CRTAC1: variants seen among roughly 807,000 people sequenced by gnomAD.
CRTAC1 encodes acidic secreted protein in cartilage.
A neutral mutation model predicts 67.8 loss-of-function variants in CRTAC1; 37 were observed. That is an observed-to-expected ratio of 0.55 (90% CI 0.42 to 0.72). CRTAC1 has a LOEUF of 0.72. CRTAC1 is among the 30% of genes least tolerant of loss of function. CRTAC1 has a pLI of 0.00. For missense variants in CRTAC1, 780 were observed against 931.6 expected (o/e 0.84, Z 2.12); for synonymous variants, 348 against 371.0 (o/e 0.94, Z 0.71).
intron 3 of CRTAC1, among the ~76,000 whole-genome samples, chr10:97,931,954 A>G (rs2051010259): frequency 6.6e-6 from 1 of 152,062 alleles, no homozygotes; most frequent in South Asian, 2.1e-4. Flanking sequence ...ACCTGGTTTC[A>G]CTGAGTAGTG....
chr10:97,912,091 C>T (rs923851667), intron 5 of CRTAC1, among the ~76,000 whole-genome samples: 5 of 152,094 alleles, frequency 3.3e-5, no homozygotes, highest in South Asian at 2.1e-4. Flanking sequence ...TCTGTTTTCT[C>T]AGCTAGAACA....
rs749919406 is a variant in CRTAC1, at chr10:98,024,746, C to CTTTTT, written c.24+5698_24+5702dup. On this transcript the variant is annotated intron_variant, in intron 1 of 14. Transcript: ENST00000370597. Reference sequence around the variant, plus strand: ...CTCTAAAGAGAATGATTATATTATCCTTTTTTTTTTTTTTTTTTTTTTTTT... The same window carrying CTTTTT: ...CTCTAAAGAGAATGATTATATTATCCTTTTTTTTTTTTTTTTTTTTTTTTTTTTTT... Among the ~76,000 whole-genome samples, 13 of 65,052 alleles carry CTTTTT rather than the reference C, an allele frequency of 2.0e-4. 1 individual carries two copies. Among genetic ancestry groups the CTTTTT allele is most frequent in the African/African-American group, 4.8e-4 (9 of 18,806 alleles). 42.7% of individuals were successfully genotyped at this position (65,052 alleles called of 152,430 possible). A position where few individuals can be genotyped will look rare whatever the true frequency, so the allele number is the denominator to read the frequency against.
rs754968381 is a variant in CRTAC1 at position 97,880,328 on chromosome 10, G to A, written c.1740C>T (p.Thr580=). Residue 580 remains threonine, a synonymous_variant, in exon 14 of 15, where the codon ACC becomes ACT. Transcript: ENST00000370597. ...TGGTCCGGCACCTGTAGCTTCCATAGGTGTTGACACATACGGGCTTGTCTC... is the reference window on the plus strand; with the variant it reads ...TGGTCCGGCACCTGTAGCTTCCATAAGTGTTGACACATACGGGCTTGTCTC... ...CPRDKPVCVN[T]YGSYRCRTNK... is the part of the protein sequence containing the mutation. 1.2e-6 allele frequency: 2 copies of A among 1,614,204 alleles called. No homozygotes were observed. The highest frequency in any genetic ancestry group is 1.3e-5 in the African/African-American group (1 of 75,046).
chr10:97,893,724 C>T (rs565292449), intron 11 of CRTAC1, among the ~76,000 whole-genome samples: 4 of 152,320 alleles, frequency 2.6e-5, no homozygotes, highest in African/African-American at 4.8e-5. Context: ...TCGGGCTGCC[C>T]TTGATGATGG....
intron 2 of CRTAC1, among the ~76,000 whole-genome samples, chr10:97,999,937 T>G (rs893265536): frequency 3.3e-5 from 5 of 152,000 alleles, no homozygotes; most frequent in Admixed American, 3.3e-4. Flanking sequence ...CTCTAGGGCC[T>G]CCTCCCTGCT....
At chr10:97,870,697 CACAT>C (rs2050083006) in intron 14 of CRTAC1, 1 of 152,046 alleles carries the variant, frequency 6.6e-6, no homozygotes, top group Non-Finnish European at 1.5e-5. Context: ...GGAAATGTAA[CACAT>C]ATGCCAAACA....
chr10:97,964,085 T>C (rs1240756986), intron 2 of CRTAC1, among the ~76,000 whole-genome samples: 3 of 152,148 alleles, frequency 2.0e-5, no homozygotes, highest in Non-Finnish European at 4.4e-5. Flanking sequence ...CTTTCCTCCT[T>C]CTCCTACCTG....
intron 2 of CRTAC1, among the ~76,000 whole-genome samples, chr10:97,946,624 C>T (rs973389036): frequency 7.1e-4 from 108 of 152,128 alleles, no homozygotes; most frequent in African/African-American, 2.6e-3. Flanking sequence ...CACCTATATG[C>T]AGGAAGAGAA....
intron 14 of CRTAC1, chr10:97,867,280 G>C (rs959405321): frequency 6.6e-6 from 1 of 152,416 alleles, no homozygotes; most frequent in Non-Finnish European, 1.5e-5. Context: ...CGGCTTCTGA[G>C]GCCCAGAGGA....
intron 1 of CRTAC1, among the ~76,000 whole-genome samples, chr10:98,015,941 AGAACAT>A (rs1034145468): frequency 6.6e-6 from 1 of 152,256 alleles, no homozygotes; most frequent in African/African-American, 2.4e-5. Context: ...GATTGGTTTA[AGAACAT>A]TCTCCTCTGC....
chr10:97,979,846 G>C (rs951193658), intron 2 of CRTAC1, among the ~76,000 whole-genome samples: 15 of 152,214 alleles, frequency 9.9e-5, no homozygotes, highest in Middle Eastern at 3.2e-3. Context: ...AAGCACTGCA[G>C]TATTGTCAAA....
chr10:98,004,711 TA>T (rs1433989397), intron 2 of CRTAC1, among the ~76,000 whole-genome samples: 17 of 150,308 alleles, frequency 1.1e-4, no homozygotes, highest in Admixed American at 9.3e-4. Flanking sequence ...CTAAGCAACT[TA>T]AAAAAAAAGC....
intron 14 of CRTAC1, chr10:97,879,735 G>A: frequency 6.5e-7 from 1 of 1,549,426 alleles, no homozygotes; most frequent in Middle Eastern, 1.7e-4. Context: ...AAGATATGAG[G>A]CCCGAGAGAG....
At position 97,975,095 on chromosome 10, in the gene CRTAC1, C is replaced by A. The variant is rs773079756; in HGVS notation, c.224+36043G>T. Reference sequence around the variant, plus strand: ...CGGTGGAGGGCCGGCCCGGGAGGAGCGGCGGAGGGGCCGGAGCCTACAGTT... The same window carrying A: ...CGGTGGAGGGCCGGCCCGGGAGGAGAGGCGGAGGGGCCGGAGCCTACAGTT... On this transcript the variant is annotated intron_variant, in intron 2 of 14. Transcript: ENST00000370597. The surrounding 1 kb of genome is among the most constrained non-coding windows in gnomAD (Gnocchi z 4.8). 6.4e-4 allele frequency among the ~76,000 whole-genome samples: 97 copies of A among 151,974 alleles called. No homozygotes were observed. Among genetic ancestry groups the A allele is most frequent in the East Asian group, 3.9e-4 (2 of 5,160 alleles).
chr10:97,901,694 C>T, intron 7 of CRTAC1, 55 bp from the exon 8 acceptor site: 1 of 1,605,848 alleles, frequency 6.2e-7, no homozygotes, highest in Non-Finnish European at 8.5e-7. Flanking sequence ...GGGCGGGAGG[C>T]CAGCTCTCCT....
intron 14 of CRTAC1, among the ~76,000 whole-genome samples, chr10:97,876,376 A>G (rs1266555592): frequency 6.6e-6 from 1 of 152,248 alleles, no homozygotes. Flanking sequence ...AGACACGCCA[A>G]GCCCACTAAA....
intron 14 of CRTAC1, chr10:97,867,867 G>A (rs1164480187): frequency 6.6e-6 from 1 of 152,296 alleles, no homozygotes; most frequent in Admixed American, 6.5e-5. Context: ...GATGAACTCT[G>A]TCTTCTTGGA....
At chr10:97,923,527 A>T in intron 3 of CRTAC1, 127 bp from the exon 4 acceptor site, 1 of 1,091,926 alleles carries the variant, frequency 9.2e-7, no homozygotes, top group Non-Finnish European at 1.4e-6. Flanking sequence ...CATCTGCGGC[A>T]AGGAAGACCT....
In CRTAC1 at chr10:97,891,764, C is replaced by T. The variant is rs148977853; in HGVS notation, c.1486+3481G>A. ...TCGCTCCTGCTCCATTGCTGGCTCC[C>T]CCATCGGTCAGGAAGGGCTGTGCTG... On this transcript the variant is annotated intron_variant, in intron 11 of 14. Coordinates refer to ENST00000370597, the MANE Select transcript of CRTAC1 (RefSeq NM_018058.7). 8.1e-4 allele frequency among the ~76,000 whole-genome samples: 124 copies of T among 152,348 alleles called. 2 individuals carry two copies. In the East Asian group the frequency reaches 0.023, roughly 29 times the overall value.
Sources: gnomAD v4.1 joint callset for allele counts (sites outside exome capture counted in the v4.1 genomes callset) on GRCh38, gnomAD v4.1.1 for gene constraint, Gnocchi (gnomAD v3.1) non-coding constraint, MANE v1.5 for transcripts, NCBI Gene and HGNC (gene_info 2026-07-23, HGNC 2026-07-21) for gene names.